Variants in FLT3 observed in about 807,000 individuals in gnomAD.
FLT3 encodes fms related receptor tyrosine kinase 3.
Under a neutral mutation model 126.6 loss-of-function variants are expected in FLT3, and 46 were observed. That is an observed-to-expected ratio of 0.36 (90% CI 0.29 to 0.46). FLT3 has a LOEUF of 0.46. Among genes scored for constraint, FLT3 ranks in the 20% least tolerant of loss-of-function variants. The pLI is 1.00. For missense variants in FLT3, 1,069 were observed against 1,190.3 expected, an observed-to-expected ratio of 0.90 and a Z score of 1.50; for synonymous variants, 404 against 434.4, an observed-to-expected ratio of 0.93 and a Z score of 0.87.
intron 2 of FLT3, 61 bp downstream of exon 2, chr13:28,070,430 A>G: frequency 6.9e-7 from 1 of 1,448,354 alleles, no homozygotes; most frequent in South Asian, 1.2e-5. Flanking sequence ...GGCTTCAATA[A>G]CTTACAAATT....
chr13:28,018,647 ATCTT>A (rs1872107993), intron 19 of FLT3, 58 bp from the exon 20 acceptor site: 2 of 1,584,380 alleles, frequency 1.3e-6, no homozygotes, highest in Non-Finnish European at 1.7e-6. Flanking sequence ...CTGGAGTGCA[ATCTT>A]TCTTCTAGAC....
At chr13:28,039,573 G>C (rs547157397) in intron 9 of FLT3, among the ~76,000 whole-genome samples, 1 of 145,954 alleles carries the variant, frequency 6.9e-6, no homozygotes, top group East Asian at 2.0e-4. Context: ...TTTTGAGATG[G>C]AGTCTCACTC....
chr13:28,070,631 AT>A lies in FLT3; in HGVS notation c.44-20del, dbSNP rs774131453. ...AAAACAACTGTAAAACAAAATAAAA[AT>A]GATAATGTTGATACATGCACACCTT... On this transcript the variant is annotated intron_variant, in intron 1 of 23. Transcript: ENST00000241453. 6 of 1,574,960 alleles carry A rather than the reference AT, an allele frequency of 3.8e-6. No homozygotes were observed. In the African/African-American group the frequency reaches 8.1e-5, roughly 21 times the overall value.
intron 1 of FLT3, among the ~76,000 whole-genome samples, chr13:28,099,380 A>G (rs1879674987): frequency 6.6e-6 from 1 of 152,352 alleles, no homozygotes; most frequent in South Asian, 2.1e-4. Context: ...TTTGTTTTTC[A>G]ACTCTTTTCC....
intron 10 of FLT3, among the ~76,000 whole-genome samples, chr13:28,036,823 T>C (rs974113458): frequency 6.6e-6 from 1 of 151,898 alleles, no homozygotes; most frequent in African/African-American, 2.4e-5. Flanking sequence ...ACAAAAATGG[T>C]TTTAAAATTA....
Position 28,048,462 on chromosome 13 carries a change from A to C in FLT3, c.1037-19T>G. 2 of 1,489,264 alleles carry C rather than the reference A, an allele frequency of 1.3e-6. No individual in the cohort carries two copies. Among genetic ancestry groups the C allele is most frequent in the East Asian group, 4.5e-5 (2 of 44,232 alleles). 92.3% of individuals were successfully genotyped at this position (1,489,264 alleles called of 1,614,324 possible). A position where few individuals can be genotyped will look rare whatever the true frequency, so the allele number is the denominator to read the frequency against. On this transcript the variant is annotated intron_variant, in intron 8 of 23. Coordinates refer to ENST00000241453, the MANE Select transcript of FLT3 (RefSeq NM_004119.3). Reference sequence around the variant, plus strand: ...CCCTTTTCTGTAAGAAAAAATAGGCATTTATGAGTTAGTTAATAATATTCA... The same window carrying C: ...CCCTTTTCTGTAAGAAAAAATAGGCCTTTATGAGTTAGTTAATAATATTCA...
At position 28,057,347 on chromosome 13, in the gene FLT3, T is replaced by G; in HGVS notation, c.484A>C (p.Asn162His). ...AATACTAGTAGCAGGCTGGACTTAC[T>G]TCTTATACTCACTGTAAACAATATT... ...YTILFTVSIR[N>H]TLLYTLRRPY... Residue 162 changes from asparagine (N) to histidine (H), a missense_variant and splice_region_variant, in exon 4 of 24, where the codon AAT becomes CAT. Transcript: ENST00000241453. 4.0e-6 allele frequency: 5 copies of G among 1,260,136 alleles called. No individual in the cohort carries two copies. Among genetic ancestry groups the G allele is most frequent in the Non-Finnish European group, 5.8e-6 (5 of 856,600 alleles). 78.1% of individuals were successfully genotyped at this position (1,260,136 alleles called of 1,614,324 possible). A position where few individuals can be genotyped will look rare whatever the true frequency, so the allele number is the denominator to read the frequency against.
chr13:28,040,208 G>T (rs1874219152), intron 9 of FLT3, among the ~76,000 whole-genome samples: 1 of 152,186 alleles, frequency 6.6e-6, no homozygotes, highest in Non-Finnish European at 1.5e-5. Flanking sequence ...TGAAGGTAGA[G>T]GGGTAATAAG....
Position 28,004,084 on chromosome 13 carries a change from G to C in FLT3, c.2950C>G (p.Leu984Val). The change falls in exon 24 of 24, where the codon CTC becomes GTC. Residue 984 changes from leucine to valine, a missense_variant. Coordinates refer to ENST00000241453, the MANE Select transcript of FLT3 (RefSeq NM_004119.3). ...TCTTCGACCTGAGCCTGCGGAGAGA[G>C]TAGCCCCAAATCCATCTCTCTGCTG... ...PFSREMDLGL[L>V]SPQAQVEDS is the part of the protein sequence containing the mutation. 1.2e-6 allele frequency: 2 copies of C among 1,614,136 alleles called. No individual in the cohort carries two copies.
chr13:28,048,194 G>T, intron 9 of FLT3, 81 bp downstream of exon 9: 3 of 1,108,618 alleles, frequency 2.7e-6, no homozygotes, highest in Non-Finnish European at 4.0e-6. Context: ...GCTTCCATAA[G>T]TATAAAACTG....
chr13:28,019,967 C>A (rs1872236010), intron 19 of FLT3, among the ~76,000 whole-genome samples: 1 of 152,174 alleles, frequency 6.6e-6, no homozygotes, highest in South Asian at 2.1e-4. Flanking sequence ...ACCACCATTG[C>A]CCACATCCCT....
chr13:28,062,043 C>T lies in FLT3; in HGVS notation c.192G>A (p.Gly64=). 6.2e-7 allele frequency: 1 copy of T among 1,612,456 alleles called. No homozygotes were observed. Among genetic ancestry groups the T allele is most frequent in the South Asian group, 1.1e-5 (1 of 90,982 alleles). The change falls in exon 3 of 24, where the codon GGG becomes GGA. Residue 64 remains glycine (G), a synonymous_variant. Transcript: ENST00000241453. ...PMVSESPEDL[G]CALRPQSSGT... ...CTGAGCTCTGGGGTCTCAACGCACA[C>T]CCGAGGTCTTCCGGGGATTCTGATA...
At chr13:28,044,002 C>T (rs1349086707) in intron 9 of FLT3, among the ~76,000 whole-genome samples, 3 of 150,458 alleles carry the variant, frequency 2.0e-5, no homozygotes, top group Non-Finnish European at 4.4e-5. Flanking sequence ...CCCAGCTACT[C>T]GAGAGGCTGA....
chr13:28,049,718 G>C lies in FLT3; in HGVS notation c.799C>G (p.Pro267Ala). ...ACAGCTTTGCACCTTATCCATAAGG[G>C]TTCCCCTACTTTAAGAAATAATTGT... ...LPQLFLKVGE[P>A]LWIRCKAVHV... The change falls in exon 7 of 24, where the codon CCC (proline) becomes GCC (alanine). Residue 267 changes from proline to alanine, a missense_variant. Physicochemically the swap from Pro to Ala is conservative, Grantham distance 27. Transcript: ENST00000241453. 1 of 1,613,956 alleles carries C rather than the reference G, an allele frequency of 6.2e-7. No individual in the cohort carries two copies. The highest frequency in any genetic ancestry group is 8.5e-7 in the Non-Finnish European group (1 of 1,179,888).
chr13:28,092,587 A>T (rs1879184261), intron 1 of FLT3, among the ~76,000 whole-genome samples: 1 of 151,942 alleles, frequency 6.6e-6, no homozygotes, highest in Non-Finnish European at 1.5e-5. Context: ...CATCTCTATC[A>T]CCATTACCCT....
At position 28,059,958 on chromosome 13, in the gene FLT3, CAATA is replaced by C. The variant is rs10523017; in HGVS notation, c.368+1905_368+1908del. On this transcript the variant is annotated intron_variant, in intron 3 of 23. Transcript: ENST00000241453. ...CTGGCAATAGAGCAAGACTCTGCCT[CAATA>C]AATAAATAAATAAATAAATAAATAA... is the stretch of plus-strand genomic sequence containing the variant. 2.8e-3 allele frequency among the ~76,000 whole-genome samples: 411 copies of C among 148,188 alleles called. 3 individuals carry two copies. The highest frequency in any genetic ancestry group is 9.0e-3 in the African/African-American group (361 of 40,146).
At chr13:28,064,302 C>T (rs1259253693) in intron 2 of FLT3, among the ~76,000 whole-genome samples, 3 of 151,142 alleles carry the variant, frequency 2.0e-5, no homozygotes, top group African/African-American at 4.9e-5. Context: ...CAGCCAGGGG[C>T]GATGGCTCAC....
rs958091469 is a variant in FLT3 at position 28,057,442 on chromosome 13, A to G, written c.389T>C (p.Ile130Thr). ...LQNRGVVSMV[I>T]LKMTETQAGE... ...AGCTTGGGTTTCTGTCATTTTCAAA[A>G]TGACCATGGAAACAACTCCTCTGCA... The change falls in exon 4 of 24, where the codon ATT becomes ACT. Residue 130 changes from isoleucine (I) to threonine (T), a missense_variant. Transcript: ENST00000241453. The G allele has an allele frequency of 1.7e-5, 27 of 1,548,878 alleles. No individual in the cohort carries two copies. Among genetic ancestry groups the G allele is most frequent in the Non-Finnish European group, 2.2e-5 (25 of 1,120,346 alleles).
chr13:28,043,386 T>G (rs1410582058), intron 9 of FLT3, among the ~76,000 whole-genome samples: 1 of 152,156 alleles, frequency 6.6e-6, no homozygotes, highest in African/African-American at 2.4e-5. Flanking sequence ...TTTGGCGTAA[T>G]ATTTGAGGAA....
Sources: allele counts gnomAD v4.1 joint callset (sites outside exome capture counted in the v4.1 genomes callset), GRCh38; gene constraint gnomAD v4.1.1; transcripts MANE v1.5; gene names NCBI Gene and HGNC (gene_info 2026-07-23, HGNC 2026-07-21).